Variants in SGPP2 observed in about 807,000 individuals in gnomAD.
The protein encoded by SGPP2 is sphingosine-1-phosphate phosphatase 2.
SGPP2 carries 30 observed loss-of-function variants against 33.9 expected under a neutral mutation model. The ratio of observed to expected loss-of-function variants is 0.89; its 90% CI spans 0.66 to 1.20. SGPP2 has a LOEUF of 1.20. Among genes scored for constraint, SGPP2 ranks in the 50% most tolerant of loss-of-function variants. The pLI is 0.00. For missense variants in SGPP2, 458 were observed against 532.1 expected, an observed-to-expected ratio of 0.86 and a Z score of 1.37; for synonymous variants, 233 against 225.0, an observed-to-expected ratio of 1.04 and a Z score of -0.32.
At position 222,426,576 on chromosome 2, in the gene SGPP2, T is replaced by C. The variant is rs558601270; in HGVS notation, c.219+1755T>C. ...CCTGGTGGGTCTTCAGTGAGTGAAA[T>C]TGTGGCGGTTTCCCCACACCCACCC... On this transcript the variant is annotated intron_variant, in intron 1 of 4. Coordinates refer to ENST00000321276, the MANE Select transcript of SGPP2 (RefSeq NM_152386.4). 7.9e-5 allele frequency among the ~76,000 whole-genome samples: 12 copies of C among 152,300 alleles called. No individual in the cohort carries two copies. The South Asian group carries it at 1.2e-3, about 16-fold the overall frequency.
intron 2 of SGPP2, among the ~76,000 whole-genome samples, chr2:222,494,519 C>T (rs1424234675): frequency 6.6e-6 from 1 of 152,246 alleles, no homozygotes; most frequent in Admixed American, 6.5e-5. Context: ...TGCCAGCCCA[C>T]GGCTGCCCAA....
rs1689565780 is a variant in SGPP2, at chr2:222,562,484, TGTG to T, written c.*3590_*3592del. On this transcript the variant is annotated 3_prime_UTR_variant, in exon 5 of 5. Transcript: ENST00000321276. ...ATGCTTCCTGAGTGTAATCAAAGCA[TGTG>T]GTGTTTTGGGGCCATATGCACCAGG... Among the ~76,000 whole-genome samples, 1 of 152,218 alleles carries T rather than the reference TGTG, an allele frequency of 6.6e-6. No homozygotes were observed. Among genetic ancestry groups the T allele is most frequent in the Admixed American group, 6.5e-5 (1 of 15,282 alleles).
At chr2:222,508,819 T>C (rs1698483178) in intron 2 of SGPP2, among the ~76,000 whole-genome samples, 2 of 152,338 alleles carry the variant, frequency 1.3e-5, no homozygotes, top group South Asian at 4.1e-4. Context: ...TCTTCTATGA[T>C]TTATGGTGCT....
At position 222,474,727 on chromosome 2, in the gene SGPP2, G is replaced by A. The variant is rs1697903434; in HGVS notation, c.378+1G>A. ...CAGAAGATTGATCATCATATGGGTT[G>A]TAAGTATTATTACTACTCATTAACT... is the stretch of plus-strand genomic sequence containing the variant. On this transcript the variant is annotated splice_donor_variant, in intron 2 of 4. Coordinates refer to ENST00000321276, the MANE Select transcript of SGPP2 (RefSeq NM_152386.4). LOFTEE classifies it high-confidence loss of function. 3 of 1,609,442 alleles carry A rather than the reference G, an allele frequency of 1.9e-6. No homozygotes were observed. The highest frequency in any genetic ancestry group is 8.5e-7 in the Non-Finnish European group (1 of 1,177,048).
chr2:222,526,430 G>C (rs1698760187), intron 4 of SGPP2, among the ~76,000 whole-genome samples: 1 of 152,206 alleles, frequency 6.6e-6, no homozygotes, highest in Admixed American at 6.5e-5. Flanking sequence ...CACCACACTG[G>C]TGGCTCCTGA....
intron 4 of SGPP2, among the ~76,000 whole-genome samples, chr2:222,541,454 T>C (rs1698995881): frequency 6.6e-6 from 1 of 152,176 alleles, no homozygotes; most frequent in South Asian, 2.1e-4. Flanking sequence ...GAAAATTTCA[T>C]AGAGGCCTGG....
At chr2:222,488,203 A>T (rs775459225) in intron 2 of SGPP2, among the ~76,000 whole-genome samples, 1 of 152,200 alleles carries the variant, frequency 6.6e-6, no homozygotes, top group Non-Finnish European at 1.5e-5. Context: ...GGACGCAATC[A>T]TTAATGGTCC....
intron 2 of SGPP2, among the ~76,000 whole-genome samples, chr2:222,485,336 C>T (rs79284015): frequency 5.9e-5 from 9 of 152,336 alleles, no homozygotes; most frequent in Non-Finnish European, 1.2e-4. Flanking sequence ...TTCCAGTTCT[C>T]CATGCCTTGG....
intron 1 of SGPP2, among the ~76,000 whole-genome samples, chr2:222,428,785 C>CT (rs58239129): frequency 0.011 from 794 of 75,322 alleles, 16 homozygotes; most frequent in African/African-American, 0.016. Flanking sequence ...ACATGGTTTT[C>CT]TTTTTTTTTT....
At position 222,522,855 on chromosome 2, in the gene SGPP2, A is replaced by AT. The variant is rs529471322; in HGVS notation, c.558+917dup. On this transcript the variant is annotated intron_variant, in intron 3 of 4. Transcript: ENST00000321276. ...CACTACGCCCAGATAATTAAAAAAA[A>AT]TTTTTTTTCTAGTGAAGGGGTCTTG... is the stretch of plus-strand genomic sequence containing the variant. Among the ~76,000 whole-genome samples the AT allele has an allele frequency of 4.7e-4, 72 of 151,914 alleles. 1 individual carries two copies. In the Middle Eastern group the frequency reaches 0.014, roughly 29 times the overall value.
intron 2 of SGPP2, among the ~76,000 whole-genome samples, chr2:222,519,878 G>A (rs1295031564): frequency 6.6e-6 from 1 of 152,184 alleles, no homozygotes; most frequent in Non-Finnish European, 1.5e-5. Flanking sequence ...GTATTCCATA[G>A]TGTACCTGTA....
chr2:222,470,222 C>T (rs530128734), intron 1 of SGPP2, among the ~76,000 whole-genome samples: 7 of 152,180 alleles, frequency 4.6e-5, no homozygotes, highest in African/African-American at 9.6e-5. Context: ...CCATGGCACA[C>T]GCATACCTGT....
rs191427784 is a variant in SGPP2, at chr2:222,511,240, A to G, written c.379-10527A>G. On this transcript the variant is annotated intron_variant, in intron 2 of 4. Transcript: ENST00000321276. ...TAAGGACAAGTTTCATATTGACCGCATTGGTTCCCTGGAAAACCTTTTGTC... is the reference window on the plus strand; with the variant it reads ...TAAGGACAAGTTTCATATTGACCGCGTTGGTTCCCTGGAAAACCTTTTGTC... 2.6e-3 allele frequency among the ~76,000 whole-genome samples: 394 copies of G among 152,298 alleles called. 3 individuals are homozygous for G. The highest frequency in any genetic ancestry group is 1.2e-3 in the Non-Finnish European group (84 of 68,026).
At chr2:222,452,577 C>T (rs1157793665) in intron 1 of SGPP2, 1 of 1,254,544 alleles carries the variant, frequency 8.0e-7, no homozygotes, top group African/African-American at 1.5e-5. Flanking sequence ...AGATTCCTCT[C>T]CACAGTTATA....
intron 1 of SGPP2, among the ~76,000 whole-genome samples, chr2:222,446,166 GTGTTGA>G (rs1253134000): frequency 2.6e-5 from 4 of 152,280 alleles, no homozygotes; most frequent in African/African-American, 9.6e-5. Context: ...AGCCTGAAGA[GTGTTGA>G]TGATGAGGGA....
At chr2:222,531,036 A>G (rs375808512) in intron 4 of SGPP2, among the ~76,000 whole-genome samples, 1 of 152,130 alleles carries the variant, frequency 6.6e-6, no homozygotes, top group African/African-American at 2.4e-5. Context: ...CCAGCCTCCA[A>G]AATAAATAAA....
chr2:222,491,504 G>A (rs1215228203), intron 2 of SGPP2, among the ~76,000 whole-genome samples: 3 of 152,096 alleles, frequency 2.0e-5, no homozygotes, highest in African/African-American at 4.8e-5. Flanking sequence ...CAAGAGTAGA[G>A]GAAACTGCAT....
chr2:222,561,743 A>G lies in SGPP2; in HGVS notation c.*2845A>G, dbSNP rs1689545815. Reference sequence around the variant, plus strand: ...ACTTTTTAAAGTATTTGATTACTGCAACTGGAGAATGAAAAGTGTATATTG... The same window carrying G: ...ACTTTTTAAAGTATTTGATTACTGCGACTGGAGAATGAAAAGTGTATATTG... On this transcript the variant is annotated 3_prime_UTR_variant, in exon 5 of 5. Coordinates refer to ENST00000321276, the MANE Select transcript of SGPP2 (RefSeq NM_152386.4). 6.6e-6 allele frequency among the ~76,000 whole-genome samples: 1 copy of G among 152,012 alleles called. No homozygotes were observed. Among genetic ancestry groups the G allele is most frequent in the Admixed American group, 6.5e-5 (1 of 15,268 alleles).
intron 1 of SGPP2, among the ~76,000 whole-genome samples, chr2:222,463,687 G>A (rs1036436294): frequency 5.3e-5 from 8 of 152,176 alleles, no homozygotes; most frequent in African/African-American, 1.4e-4. Flanking sequence ...CAAATAAAGA[G>A]GGAAGTGGGA....
Sources: allele counts gnomAD v4.1 joint callset (sites outside exome capture counted in the v4.1 genomes callset), GRCh38; gene constraint gnomAD v4.1.1; transcripts MANE v1.5; gene names NCBI Gene and HGNC (gene_info 2026-07-23, HGNC 2026-07-21).